The following CLEC12A variants were observed in gnomAD, a reference collection of about 807,000 sequenced individuals.
CLEC12A encodes the protein C-type lectin domain family 12 member A, also known as C-type lectin protein CLL-1.
CLEC12A carries 22 observed loss-of-function variants against 26.5 expected under a neutral mutation model. The ratio of observed to expected loss-of-function variants is 0.83; its 90% confidence interval spans 0.59 to 1.19. The LOEUF (loss-of-function observed/expected upper bound fraction) is 1.19. CLEC12A is among the 50% of genes most tolerant of loss of function. The pLI is 0.00. For synonymous variants in CLEC12A, 119 were observed against 101.9 expected, an observed-to-expected ratio of 1.17 and a Z score of -1.01; for missense variants, 353 against 315.6, an observed-to-expected ratio of 1.12 and a Z score of -0.90.
At chr12:9,980,903 T>C (rs565104657) in intron 4 of CLEC12A, among the ~76,000 whole-genome samples, 170 bp downstream of exon 4, 1 of 152,286 alleles carries the variant, frequency 6.6e-6, no homozygotes, top group African/African-American at 2.4e-5. Context: ...CATACAAGTT[T>C]AGGACCTTAG....
chr12:9,986,543 G>T (rs751758447), downstream of CLEC12A, among the ~76,000 whole-genome samples: 5 of 152,090 alleles, frequency 3.3e-5, no homozygotes, highest in Non-Finnish European at 5.9e-5. Flanking sequence ...GGGTATGGTG[G>T]CTTATGCCTG....
chr12:9,965,208 GA>G (rs1863909178), intron 1 of CLEC12A, among the ~76,000 whole-genome samples: 1 of 152,186 alleles, frequency 6.6e-6, no homozygotes, highest in African/African-American at 2.4e-5. Flanking sequence ...TGTTTGGACA[GA>G]AAGGCTACAG....
chr12:9,951,361 G>C, intron 1 of CLEC12A: 1 of 702,988 alleles, frequency 1.4e-6, no homozygotes, highest in East Asian at 2.7e-5. Flanking sequence ...GGATAGGTGA[G>C]TGTCTTTTGT....
At chr12:9,958,020 A>G (rs969634118) in intron 1 of CLEC12A, among the ~76,000 whole-genome samples, 2 of 152,238 alleles carry the variant, frequency 1.3e-5, no homozygotes, top group African/African-American at 4.8e-5. Context: ...GAAGAAGAAA[A>G]TTATGCCAGG....
chr12:9,965,832 G>A (rs904770649), intron 1 of CLEC12A, among the ~76,000 whole-genome samples: 17 of 152,068 alleles, frequency 1.1e-4, no homozygotes, highest in Admixed American at 3.3e-4. Context: ...ATTGAGCGGG[G>A]TAAGGTGATT....
At position 9,971,588 on chromosome 12, in the gene CLEC12A, T is replaced by G; in HGVS notation, c.-9T>G. 1 of 1,601,452 alleles carries G rather than the reference T, an allele frequency of 6.2e-7. No homozygotes were observed. The highest frequency in any genetic ancestry group is 2.3e-5 in the East Asian group (1 of 44,230). ...TACACTTTGTCAAGATTTCTTTACA[T>G]ATTCATCAATGTCTGAAGAAGTTAC... On this transcript the variant is annotated 5_prime_UTR_variant, in exon 1 of 6. Transcript: ENST00000304361.
chr12:9,985,102 T>C lies in CLEC12A; in HGVS notation c.*76T>C, dbSNP rs1864724776. 1 of 1,302,712 alleles carries C rather than the reference T, an allele frequency of 7.7e-7. No individual in the cohort carries two copies. The highest frequency in any genetic ancestry group is 9.7e-7 in the Non-Finnish European group (1 of 1,026,048). The allele number at this position is 1,302,712 out of a possible 1,614,324, so 80.7% of individuals were successfully genotyped here. A position where few individuals can be genotyped will look rare whatever the true frequency, so the allele number is the denominator to read the frequency against. Reference sequence around the variant, plus strand: ...ATAGGTAAATTTAAATATTTTCTGGTTGACAATTAGTTGAGTTTGTCTGAA... The same window carrying C: ...ATAGGTAAATTTAAATATTTTCTGGCTGACAATTAGTTGAGTTTGTCTGAA... On this transcript the variant is annotated 3_prime_UTR_variant, in exon 6 of 6. Transcript: ENST00000304361.
At chr12:9,954,682 G>A (rs947389790) in intron 1 of CLEC12A, among the ~76,000 whole-genome samples, 6 of 152,164 alleles carry the variant, frequency 3.9e-5, no homozygotes, top group African/African-American at 1.2e-4. Flanking sequence ...TGTGTATGTA[G>A]GTATATGTGT....
chr12:9,991,288 T>G (rs960565237), intron 4 of CLEC12A: 4 of 152,242 alleles, frequency 2.6e-5, no homozygotes, highest in South Asian at 2.1e-4. Context: ...TTTGATTTTA[T>G]GTATAAGATA....
chr12:9,970,971 T>A (rs1864105074), upstream of CLEC12A, among the ~76,000 whole-genome samples: 1 of 152,204 alleles, frequency 6.6e-6, no homozygotes, highest in Admixed American at 6.5e-5. Flanking sequence ...TCCCTACCTC[T>A]CTTAGGCAAA....
chr12:9,969,037 A>C (rs1374671689), upstream of CLEC12A, among the ~76,000 whole-genome samples: 1 of 152,222 alleles, frequency 6.6e-6, no homozygotes, highest in Non-Finnish European at 1.5e-5. Context: ...CATATGTGAG[A>C]GCTAAAAGAA....
intron 1 of CLEC12A, among the ~76,000 whole-genome samples, chr12:9,956,142 T>G (rs552615025): frequency 6.6e-5 from 10 of 152,252 alleles, no homozygotes; most frequent in Non-Finnish European, 1.3e-4. Flanking sequence ...AATCAAAACC[T>G]CTCATCCAAT....
chr12:10,001,560 C>T, the CLEC12A span, among the ~76,000 whole-genome samples: 12 of 152,182 alleles, frequency 7.9e-5, no homozygotes, highest in Non-Finnish European at 1.3e-4. Context: ...GCAAGCTGAG[C>T]GAAGACAGAG....
chr12:9,952,320 C>T lies in CLEC12A; in HGVS notation c.10+964C>T, dbSNP rs1381872438. Among the ~76,000 whole-genome samples, 7 of 150,610 alleles carry T rather than the reference C, an allele frequency of 4.6e-5. No individual in the cohort carries two copies. In the South Asian group the frequency reaches 1.1e-3, roughly 23 times the overall value. On this transcript the variant is annotated intron_variant, in intron 1 of 6. Coordinates refer to the CLEC12A transcript ENST00000355690. ...CCTGCCTCAGCCTGCCGAGTGCCTG[C>T]GATTGCAGGCACGCACCACCACGCC...
the CLEC12A span, among the ~76,000 whole-genome samples, chr12:10,003,854 T>C: frequency 2.0e-5 from 3 of 152,274 alleles, no homozygotes; most frequent in African/African-American, 7.2e-5. Flanking sequence ...AGGCAGAGGT[T>C]GCAATGAGCC....
upstream of CLEC12A, among the ~76,000 whole-genome samples, chr12:9,966,709 C>A (rs1030790029): frequency 1.3e-5 from 2 of 151,326 alleles, no homozygotes; most frequent in Non-Finnish European, 2.9e-5. Flanking sequence ...ACTTTGAAGG[C>A]GAGGTTAATT....
At chr12:9,984,162 G>C (rs1414565437) in intron 5 of CLEC12A, 2 of 155,914 alleles carry the variant, frequency 1.3e-5, no homozygotes, top group African/African-American at 4.8e-5. Flanking sequence ...GTTGTTTTGG[G>C]GTTTGTTTCT....
At chr12:9,996,910 T>C (rs1172205499), downstream of CLEC12A, 5 of 1,614,046 alleles carry the variant, frequency 3.1e-6, no homozygotes, top group South Asian at 4.4e-5. Flanking sequence ...CTGCTTACTC[T>C]CTTCCCATGT....
At chr12:9,959,388 G>A (rs1863793242) in intron 1 of CLEC12A, among the ~76,000 whole-genome samples, 1 of 151,338 alleles carries the variant, frequency 6.6e-6, no homozygotes, top group Non-Finnish European at 1.5e-5. Flanking sequence ...TGAGGCGGAG[G>A]TTGCAGTGAG....
Sources: allele counts gnomAD v4.1 joint callset (sites outside exome capture counted in the v4.1 genomes callset), GRCh38; gene constraint gnomAD v4.1.1; transcripts MANE v1.5; gene names NCBI Gene and HGNC (gene_info 2026-07-23, HGNC 2026-07-21).